The following RDX variants were observed in gnomAD, a reference collection of about 807,000 sequenced individuals.
RDX encodes deafness, autosomal recessive 24.
RDX carries 32 observed loss-of-function variants against 83.7 expected under a neutral mutation model. The ratio of observed to expected loss-of-function variants is 0.38; its 90% confidence interval spans 0.29 to 0.51. The LOEUF (loss-of-function observed/expected upper bound fraction) is 0.51, where lower values mean the gene tolerates loss of function less well. RDX is among the 20% of genes least tolerant of loss of function. The pLI is 0.87. For synonymous variants in RDX, 229 were observed against 222.7 expected, an observed-to-expected ratio of 1.03 and a Z score of -0.25; for missense variants, 600 against 689.9, an observed-to-expected ratio of 0.87 and a Z score of 1.46.
intron 11 of RDX, 74 bp from the exon 12 acceptor site, chr11:110,236,265 T>G: frequency 9.1e-7 from 1 of 1,095,762 alleles, no homozygotes. Context: ...AAAGTTTTAA[T>G]GCACATGCTT....
At chr11:110,263,813 G>A in intron 5 of RDX, 147 bp downstream of exon 5, 1 of 675,540 alleles carries the variant, frequency 1.5e-6, no homozygotes, top group Non-Finnish European at 2.5e-6. Context: ...GGTTGCAGTG[G>A]GCTGAGATCA....
At chr11:110,190,708 G>GA (rs374748918) in intron 15 of RDX, among the ~76,000 whole-genome samples, 1 of 152,024 alleles carries the variant, frequency 6.6e-6, no homozygotes, top group Non-Finnish European at 1.5e-5. Flanking sequence ...TAGATTAATA[G>GA]AAAAAAGAGA....
intron 14 of RDX, among the ~76,000 whole-genome samples, chr11:110,218,708 T>C (rs1431548300): frequency 6.6e-6 from 1 of 152,228 alleles, no homozygotes; most frequent in African/African-American, 2.4e-5. Flanking sequence ...TGTGACTCGA[T>C]ATATTTGCAT....
intron 10 of RDX, among the ~76,000 whole-genome samples, chr11:110,246,916 T>C (rs1477211591): frequency 6.6e-6 from 1 of 152,200 alleles, no homozygotes; most frequent in Admixed American, 6.5e-5. Flanking sequence ...GTTTTACCAA[T>C]TGTAAGAAAG....
intron 3 of RDX, among the ~76,000 whole-genome samples, chr11:110,265,738 T>C (rs1860012475): frequency 6.6e-6 from 1 of 152,152 alleles, no homozygotes; most frequent in African/African-American, 2.4e-5. Flanking sequence ...TCTTCTGTAT[T>C]TTTATGACTT....
intron 2 of RDX, 164 bp from the exon 3 acceptor site, chr11:110,272,783 C>G: frequency 1.6e-6 from 1 of 612,614 alleles, no homozygotes. Flanking sequence ...TTAGGAACAT[C>G]TATTGAATAC....
At chr11:110,228,776 T>TA (rs1274989213), downstream of RDX, among the ~76,000 whole-genome samples, 1 of 151,872 alleles carries the variant, frequency 6.6e-6, no homozygotes, top group Admixed American at 6.6e-5. Context: ...TAACATAACT[T>TA]TATAAGGGGC....
At chr11:110,207,100 A>G (rs866250009) in intron 14 of RDX, among the ~76,000 whole-genome samples, 1 of 152,164 alleles carries the variant, frequency 6.6e-6, no homozygotes, top group Middle Eastern at 3.4e-3. Context: ...CAGCCCCCCT[A>G]GTAGCCAGGA....
At chr11:110,176,934 G>C (rs888723185) in intron 15 of RDX, among the ~76,000 whole-genome samples, 1 of 152,100 alleles carries the variant, frequency 6.6e-6, no homozygotes, top group Non-Finnish European at 1.5e-5. Flanking sequence ...GCGCAACATC[G>C]CACAGTCGGC....
intron 1 of RDX, among the ~76,000 whole-genome samples, chr11:110,287,760 C>A (rs780510537): frequency 2.6e-5 from 4 of 152,174 alleles, no homozygotes; most frequent in African/African-American, 9.7e-5. Flanking sequence ...CTGCCCTCCC[C>A]CTTCCTGCCC....
At chr11:110,269,880 A>T (rs1350785427) in intron 3 of RDX, among the ~76,000 whole-genome samples, 1 of 151,990 alleles carries the variant, frequency 6.6e-6, no homozygotes, top group Non-Finnish European at 1.5e-5. Context: ...TCTACCAAAA[A>T]TACAAAAAAA....
chr11:110,195,244 G>T (rs4754431), intron 15 of RDX, among the ~76,000 whole-genome samples: 1 of 151,890 alleles, frequency 6.6e-6, no homozygotes, highest in South Asian at 2.1e-4. Context: ...GATTACAGAC[G>T]TGAGCCACCG....
intron 14 of RDX, among the ~76,000 whole-genome samples, chr11:110,221,543 A>G (rs1864246939): frequency 6.6e-6 from 1 of 151,518 alleles, no homozygotes; most frequent in Non-Finnish European, 1.5e-5. Context: ...AGCTGCAGTG[A>G]GCCAAGAGTG....
Position 110,203,821 on chromosome 11 carries a change from G to GA in RDX, c.1749-4144dup, listed in dbSNP as rs577212942. 2.6e-5 allele frequency among the ~76,000 whole-genome samples: 4 copies of GA among 151,948 alleles called. No individual in the cohort carries two copies. The East Asian group carries it at 7.7e-4, about 29-fold the overall frequency. On this transcript the variant is annotated intron_variant, in intron 14 of 15. Coordinates refer to the RDX transcript ENST00000528498. ...TTAAAACCCTCTTTTTATTTAAAAAGAAAAAACTCTTAGAAAAATATGTAT... is the reference window on the plus strand; with the variant it reads ...TTAAAACCCTCTTTTTATTTAAAAAGAAAAAAACTCTTAGAAAAATATGTAT...
intron 1 of RDX, among the ~76,000 whole-genome samples, chr11:110,291,862 C>T (rs998094320): frequency 1.3e-5 from 2 of 152,100 alleles, no homozygotes; most frequent in African/African-American, 4.8e-5. Context: ...GGCATGGTGG[C>T]TCACACCTGT....
intron 14 of RDX, among the ~76,000 whole-genome samples, chr11:110,217,229 T>G (rs1864087101): frequency 6.6e-6 from 1 of 152,196 alleles, no homozygotes; most frequent in Non-Finnish European, 1.5e-5. Flanking sequence ...ATTTCATAGT[T>G]GTAAGTGGAT....
intron 10 of RDX, among the ~76,000 whole-genome samples, chr11:110,246,739 G>C (rs1387328663): frequency 8.4e-6 from 1 of 118,480 alleles, no homozygotes; most frequent in Non-Finnish European, 1.7e-5. Context: ...GACAAAGTAA[G>C]ACTGTGTCTC....
At chr11:110,216,173 C>G (rs1864043658) in intron 14 of RDX, among the ~76,000 whole-genome samples, 1 of 152,156 alleles carries the variant, frequency 6.6e-6, no homozygotes, top group African/African-American at 2.4e-5. Context: ...TCCTCTCACA[C>G]ATCACTCTCC....
chr11:110,201,697 T>C (rs990787490), intron 14 of RDX, among the ~76,000 whole-genome samples: 1 of 152,150 alleles, frequency 6.6e-6, no homozygotes, highest in Non-Finnish European at 1.5e-5. Context: ...GAATATATAT[T>C]AAATTATGTG....
Sources: gnomAD v4.1 joint callset for allele counts (sites outside exome capture counted in the v4.1 genomes callset) on GRCh38, gnomAD v4.1.1 for gene constraint, MANE v1.5 for transcripts, NCBI Gene and HGNC (gene_info 2026-07-23, HGNC 2026-07-21) for gene names.